Variants in DLG1 observed in about 807,000 individuals in gnomAD.
The protein encoded by DLG1 is discs large MAGUK scaffold protein 1.
A neutral mutation model predicts 123.4 loss-of-function variants in DLG1; 42 were observed. The observed-to-expected ratio is 0.34, with a 90% confidence interval of 0.27 to 0.44. The LOEUF (loss-of-function observed/expected upper bound fraction) is 0.44. Ranked by LOEUF, DLG1 falls within the 20% of genes least tolerant of loss-of-function variation. The pLI, the probability that DLG1 is intolerant of heterozygous loss-of-function variation, is 1.00. For missense variants in DLG1, 942 were observed against 1,082.6 expected, an observed-to-expected ratio of 0.87 and a Z score of 1.82; for synonymous variants, 317 against 356.2, an observed-to-expected ratio of 0.89 and a Z score of 1.24.
intron 19 of DLG1, chr3:197,068,586 A>G: frequency 1.6e-6 from 2 of 1,275,600 alleles, no homozygotes; most frequent in Admixed American, 3.9e-5. Flanking sequence ...AAGTAATTTT[A>G]ATTTTTAAGG....
chr3:197,229,189 T>C (rs1240105114), intron 4 of DLG1, among the ~76,000 whole-genome samples: 3 of 152,054 alleles, frequency 2.0e-5, no homozygotes, highest in African/African-American at 7.2e-5. Flanking sequence ...ATTGAGAAAT[T>C]CTAATTTAGG....
chr3:197,066,326 T>C (rs1280099922), intron 20 of DLG1, among the ~76,000 whole-genome samples: 1 of 151,834 alleles, frequency 6.6e-6, no homozygotes, highest in Non-Finnish European at 1.5e-5. Context: ...AAGAAGGTCA[T>C]AAATAAGAAA....
chr3:197,227,544 T>C (rs1417950053), intron 4 of DLG1, among the ~76,000 whole-genome samples: 1 of 152,160 alleles, frequency 6.6e-6, no homozygotes, highest in Non-Finnish European at 1.5e-5. Flanking sequence ...TCAATTCATA[T>C]ATTTGTACTC....
intron 4 of DLG1, among the ~76,000 whole-genome samples, chr3:197,236,423 G>A (rs757503014): frequency 4.6e-5 from 7 of 151,926 alleles, no homozygotes; most frequent in Non-Finnish European, 7.4e-5. Context: ...AGTTCTTCAC[G>A]CTGAAAAAAA....
chr3:197,129,582 C>T (rs1390063998), intron 11 of DLG1, among the ~76,000 whole-genome samples: 3 of 152,210 alleles, frequency 2.0e-5, no homozygotes, highest in African/African-American at 7.2e-5. Context: ...TTTTCCTTGG[C>T]ATTCACAACT....
chr3:197,130,480 C>A, intron 11 of DLG1, 47 bp downstream of exon 11: 2 of 1,484,994 alleles, frequency 1.3e-6, no homozygotes, highest in Non-Finnish European at 1.8e-6. Context: ...GGCATCACAA[C>A]TGAAGAAGTA....
intron 1 of DLG1, chr3:197,298,033 C>A (rs952775521): frequency 8.7e-5 from 57 of 656,986 alleles, no homozygotes; most frequent in Non-Finnish European, 9.6e-5. Context: ...CCGGCCCGCT[C>A]GCCCAGTTGC....
At chr3:197,104,407 T>C (rs1441593528) in intron 14 of DLG1, among the ~76,000 whole-genome samples, 1 of 151,982 alleles carries the variant, frequency 6.6e-6, no homozygotes, top group Non-Finnish European at 1.5e-5. Flanking sequence ...TTTGGCAGGG[T>C]GCAGTGGCTC....
chr3:197,268,845 ATTTT>A (rs1043501830), intron 4 of DLG1, among the ~76,000 whole-genome samples: 18 of 146,180 alleles, frequency 1.2e-4, no homozygotes, highest in South Asian at 2.1e-4. Context: ...CTATTTTTTA[ATTTT>A]TTTTTTTACT....
intron 9 of DLG1, 32 bp downstream of exon 9, chr3:197,138,190 A>G: frequency 7.4e-7 from 1 of 1,353,068 alleles, no homozygotes; most frequent in Non-Finnish European, 9.9e-7. Flanking sequence ...GAGATTTCTT[A>G]AAGATTTATC....
intron 5 of DLG1, among the ~76,000 whole-genome samples, chr3:197,163,112 A>T (rs1799493639): frequency 6.6e-6 from 1 of 152,246 alleles, no homozygotes; most frequent in Admixed American, 6.5e-5. Flanking sequence ...CGACATCATT[A>T]GTCCTTAGGG....
intron 19 of DLG1, 140 bp from the exon 20 acceptor site, chr3:197,066,894 T>C (rs1281712350): frequency 5.7e-6 from 3 of 524,848 alleles, no homozygotes; most frequent in Non-Finnish European, 6.8e-6. Context: ...TATGGCAAGA[T>C]TTAGTTAAAA....
chr3:197,207,166 C>T (rs377497753), intron 4 of DLG1, among the ~76,000 whole-genome samples: 115 of 152,320 alleles, frequency 7.5e-4, no homozygotes, highest in African/African-American at 2.7e-3. Flanking sequence ...TTGCTCTTTG[C>T]TCTTTACGCA....
chr3:197,254,681 GAGAAAT>G (rs1420666935), intron 4 of DLG1, among the ~76,000 whole-genome samples: 1 of 152,122 alleles, frequency 6.6e-6, no homozygotes, highest in East Asian at 1.9e-4. Flanking sequence ...TCAAATTTAA[GAGAAAT>G]AGAAACTCTA....
chr3:197,227,668 C>A (rs535556727), intron 4 of DLG1, among the ~76,000 whole-genome samples: 131 of 152,256 alleles, frequency 8.6e-4, no homozygotes, highest in Middle Eastern at 6.8e-3. Flanking sequence ...TTACCACCAA[C>A]CATAACTCTA....
intron 13 of DLG1, among the ~76,000 whole-genome samples, chr3:197,109,831 C>G (rs1177666652): frequency 6.6e-6 from 1 of 152,186 alleles, no homozygotes; most frequent in Non-Finnish European, 1.5e-5. Flanking sequence ...TCACTGCTTT[C>G]TGACCTCCAT....
rs532770660 is a variant in DLG1 at position 197,095,289 on chromosome 3, T to C, written c.1547-4263A>G. ...AAGTAACATTAATACATTACTACCA[T>C]CTAATGCTCGGATCCCTATGAAGAG... On this transcript the variant is annotated intron_variant, in intron 14 of 24. Transcript: ENST00000667157. Among the ~76,000 whole-genome samples the C allele has an allele frequency of 1.1e-3, 173 of 152,270 alleles. 1 individual carries two copies. The highest frequency in any genetic ancestry group is 2.1e-3 in the Non-Finnish European group (143 of 68,020).
chr3:197,080,968 T>C, intron 17 of DLG1, 83 bp downstream of exon 17: 2 of 1,312,812 alleles, frequency 1.5e-6, no homozygotes, highest in Non-Finnish European at 1.1e-6. Flanking sequence ...TGATCATGAA[T>C]AATTCTGATA....
intron 15 of DLG1, among the ~76,000 whole-genome samples, chr3:197,088,604 T>C (rs1029106162): frequency 3.9e-5 from 6 of 152,062 alleles, no homozygotes; most frequent in African/African-American, 1.4e-4. Flanking sequence ...AATAGAATAA[T>C]GGCAAAAGGG....
Sources: allele counts gnomAD v4.1 joint callset (sites outside exome capture counted in the v4.1 genomes callset), GRCh38; gene constraint gnomAD v4.1.1; transcripts MANE v1.5; gene names NCBI Gene and HGNC (gene_info 2026-07-23, HGNC 2026-07-21).